Variants in PAPPA observed in about 807,000 individuals in gnomAD.
PAPPA encodes the protein pappalysin 1, also known as pappalysin-1.
A neutral mutation model predicts 164.0 loss-of-function variants in PAPPA; 60 were observed. The ratio of observed to expected loss-of-function variants is 0.37; its 90% CI spans 0.30 to 0.45. The LOEUF is 0.45. PAPPA is among the 20% of genes least tolerant of loss of function. PAPPA has a pLI of 1.00. For missense variants in PAPPA, 1,782 were observed against 2,087.3 expected (o/e 0.85, Z 2.85); for synonymous variants, 875 against 814.1 (o/e 1.07, Z -1.27).
chr9:116,217,924 T>G (rs1398800674), intron 4 of PAPPA, among the ~76,000 whole-genome samples: 1 of 152,236 alleles, frequency 6.6e-6, no homozygotes, highest in Non-Finnish European at 1.5e-5. Context: ...TTCTCCTGCA[T>G]GTAACCTATT....
chr9:116,374,141 A>AGAT (rs1050059248), intron 19 of PAPPA, among the ~76,000 whole-genome samples: 29 of 79,994 alleles, frequency 3.6e-4, no homozygotes, highest in African/African-American at 1.0e-3. Flanking sequence ...AAGATGGTGC[A>AGAT]GATGATGGTG....
At chr9:116,246,403 A>G (rs990262789) in intron 7 of PAPPA, among the ~76,000 whole-genome samples, 1 of 152,194 alleles carries the variant, frequency 6.6e-6, no homozygotes, top group African/African-American at 2.4e-5. Flanking sequence ...TGTACAAGGC[A>G]TTGTGCTAAG....
At chr9:116,244,371 C>T (rs747088054) in intron 7 of PAPPA, among the ~76,000 whole-genome samples, 8 of 152,052 alleles carry the variant, frequency 5.3e-5, no homozygotes, top group Non-Finnish European at 1.0e-4. Flanking sequence ...AAAATTGAAC[C>T]GATAGTTCCA....
rs761862909 is a variant in PAPPA at position 116,367,629 on chromosome 9, G to T, written c.4496-16G>T. 7 of 1,597,800 alleles carry T rather than the reference G, an allele frequency of 4.4e-6. No homozygotes were observed. The South Asian group carries it at 5.5e-5, about 13-fold the overall frequency. ...GTCTCGGGCCTGAGCTGCGCCTCAT[G>T]CTGTACTTCCCTCAGGGTCGGAGTG... On this transcript the variant is annotated splice_polypyrimidine_tract_variant and intron_variant, in intron 18 of 21. Transcript: ENST00000328252.
intron 21 of PAPPA, among the ~76,000 whole-genome samples, chr9:116,384,296 A>AATAATAATAATG (rs1846775014): frequency 6.7e-6 from 1 of 148,852 alleles, no homozygotes; most frequent in African/African-American, 2.5e-5. Flanking sequence ...TAATAATAAT[A>AATAATAATAATG]ATAATAAAGT....
intron 14 of PAPPA, 89 bp from the exon 15 acceptor site, chr9:116,346,937 C>A: frequency 9.0e-7 from 1 of 1,117,176 alleles, no homozygotes; most frequent in Non-Finnish European, 1.3e-6. Context: ...CTGGGCGAGA[C>A]TCTGAGCCGT....
At chr9:116,186,048 G>A (rs867824857) in intron 1 of PAPPA, among the ~76,000 whole-genome samples, 2 of 152,096 alleles carry the variant, frequency 1.3e-5, no homozygotes, top group Non-Finnish European at 2.9e-5. Context: ...AGTGAGAAAC[G>A]TAATGTCACC....
chr9:116,262,082 GTGCA>G (rs1845009148), intron 7 of PAPPA, among the ~76,000 whole-genome samples: 1 of 151,912 alleles, frequency 6.6e-6, no homozygotes, highest in African/African-American at 2.4e-5. Context: ...CACTGTGGTG[GTGCA>G]TGCCTGTAGT....
intron 9 of PAPPA, among the ~76,000 whole-genome samples, chr9:116,277,927 C>G (rs1006827895): frequency 1.3e-5 from 2 of 152,154 alleles, no homozygotes; most frequent in Non-Finnish European, 2.9e-5. Context: ...CTTGGCCTCC[C>G]AAAGTGCTGG....
rs374066435 is a variant in PAPPA at position 116,235,475 on chromosome 9, C to T, written c.2570C>T (p.Thr857Met). 3.5e-5 allele frequency: 56 copies of T among 1,613,246 alleles called. No individual in the cohort carries two copies. Among genetic ancestry groups the T allele is most frequent in the African/African-American group, 4.0e-5 (3 of 74,882 alleles). The change falls in exon 7 of 22, where the codon ACG (threonine) becomes ATG (methionine). Residue 857 changes from threonine (T) to methionine (M), a missense_variant. By Grantham distance (81) the Thr-to-Met change is moderately conservative. Coordinates refer to ENST00000328252, the MANE Select transcript of PAPPA (RefSeq NM_002581.5). The part of the protein sequence containing the change: ...GEEVYGIQIY[T>M]LDEHLEIDAA... Reference sequence around the variant, plus strand: ...GAGGTGTATGGCATCCAAATCTACACGCTGGATGAGCACCTGGAGATCGAT... The same window carrying T: ...GAGGTGTATGGCATCCAAATCTACATGCTGGATGAGCACCTGGAGATCGAT...
intron 10 of PAPPA, among the ~76,000 whole-genome samples, chr9:116,323,322 C>A (rs969209083): frequency 6.6e-6 from 1 of 152,096 alleles, no homozygotes; most frequent in Non-Finnish European, 1.5e-5. Context: ...AGACCTGGAA[C>A]GCCTAGTCAC....
intron 19 of PAPPA, 41 bp downstream of exon 19, chr9:116,367,795 G>C: frequency 1.5e-6 from 2 of 1,332,056 alleles, no homozygotes; most frequent in Non-Finnish European, 2.2e-6. Flanking sequence ...AGCTAAGGGG[G>C]AGGGAAATGA....
chr9:116,274,784 T>A (rs1441961847), intron 9 of PAPPA, among the ~76,000 whole-genome samples: 1 of 152,186 alleles, frequency 6.6e-6, no homozygotes, highest in Non-Finnish European at 1.5e-5. Flanking sequence ...AGCATCTCCT[T>A]CTCCCCGTCT....
chr9:116,172,065 A>G (rs755764295), intron 1 of PAPPA, among the ~76,000 whole-genome samples: 1 of 152,214 alleles, frequency 6.6e-6, no homozygotes, highest in African/African-American at 2.4e-5. Flanking sequence ...TATTTAATGC[A>G]TAATATGTGT....
At chr9:116,385,884 A>C (rs866342404) in intron 21 of PAPPA, among the ~76,000 whole-genome samples, 2 of 152,212 alleles carry the variant, frequency 1.3e-5, no homozygotes, top group South Asian at 4.1e-4. Context: ...GCCTGTTATT[A>C]AGCAGGGAGC....
At chr9:116,203,371 G>A (rs1002168610) in intron 2 of PAPPA, among the ~76,000 whole-genome samples, 8 of 152,252 alleles carry the variant, frequency 5.3e-5, no homozygotes, top group South Asian at 4.2e-4. Flanking sequence ...GCTGCCCATC[G>A]GTGGTGGTTC....
At chr9:116,220,649 G>A (rs1163277260) in intron 5 of PAPPA, among the ~76,000 whole-genome samples, 1 of 151,718 alleles carries the variant, frequency 6.6e-6, no homozygotes, top group Non-Finnish European at 1.5e-5. Context: ...AGCACTTTGG[G>A]AGGCCAAGGT....
chr9:116,335,701 G>T (rs1846052871), intron 13 of PAPPA, among the ~76,000 whole-genome samples: 1 of 152,166 alleles, frequency 6.6e-6, no homozygotes. Flanking sequence ...TTCCTGAAAA[G>T]AATACGAGCT....
intron 15 of PAPPA, among the ~76,000 whole-genome samples, chr9:116,352,169 A>G (rs1301088044): frequency 6.6e-6 from 1 of 152,140 alleles, no homozygotes; most frequent in South Asian, 2.1e-4. Flanking sequence ...AGAAAATCAA[A>G]TCTCCTAACA....
Sources: gnomAD v4.1 joint callset for allele counts (sites outside exome capture counted in the v4.1 genomes callset) on GRCh38, gnomAD v4.1.1 for gene constraint, MANE v1.5 for transcripts, NCBI Gene and HGNC (gene_info 2026-07-23, HGNC 2026-07-21) for gene names.